DOCK7: variants seen among roughly 807,000 people sequenced by gnomAD.
DOCK7 encodes the protein dedicator of cytokinesis 7, also known as dedicator of cytokinesis protein 7.
DOCK7 carries 138 observed loss-of-function variants against 271.0 expected under a neutral mutation model. The observed-to-expected ratio is 0.51, with a 90% confidence interval of 0.44 to 0.59. The LOEUF (loss-of-function observed/expected upper bound fraction) is 0.59. Among genes scored for constraint, DOCK7 ranks in the 20% least tolerant of loss-of-function variants. The pLI, the probability that DOCK7 is intolerant of heterozygous loss-of-function variation, is 0.00. For missense variants in DOCK7, 2,066 were observed against 2,592.4 expected (o/e 0.80, Z 4.41); for synonymous variants, 823 against 876.1 (o/e 0.94, Z 1.07).
At chr1:62,669,888 G>C (rs1180426636) in intron 1 of DOCK7, among the ~76,000 whole-genome samples, 2 of 152,268 alleles carry the variant, frequency 1.3e-5, no homozygotes, top group African/African-American at 2.4e-5. Context: ...GAGGTGTGGA[G>C]GGAGAGACAC....
chr1:62,659,684 G>A (rs542491394), intron 2 of DOCK7, among the ~76,000 whole-genome samples: 2 of 152,222 alleles, frequency 1.3e-5, no homozygotes, highest in Non-Finnish European at 1.5e-5. Flanking sequence ...CACAACATAG[G>A]TAGGTTGAAA....
chr1:62,529,293 C>A lies in DOCK7; in HGVS notation c.3765G>T (p.Gln1255His). 1 of 1,607,298 alleles carries A rather than the reference C, an allele frequency of 6.2e-7. No homozygotes were observed. The highest frequency in any genetic ancestry group is 1.7e-4 in the Middle Eastern group (1 of 6,032). The change falls in exon 30 of 50, where the codon CAG becomes CAT. Residue 1255 changes from glutamine (Q) to histidine (H), a missense_variant. This residue lies in a region of DOCK7 where 1,414 missense variants were observed against 1,670.4 expected (regional missense o/e 0.85). Transcript: ENST00000635253. The part of the protein sequence containing the change: ...LIGIIMETVP[Q>H]LYDFTETHNQ... ...ACTAGGTACCTGTAAAATCATACAG[C>A]TGAGGTACAGTTTCCATGATAATAC... is the stretch of plus-strand genomic sequence containing the variant.
At chr1:62,613,132 G>T (rs574652771) in intron 14 of DOCK7, among the ~76,000 whole-genome samples, 36 of 152,176 alleles carry the variant, frequency 2.4e-4, no homozygotes, top group African/African-American at 8.7e-4. Flanking sequence ...TCCAATAAAA[G>T]ATTTTTTTCA....
At chr1:62,614,201 T>C (rs1652159489) in intron 14 of DOCK7, among the ~76,000 whole-genome samples, 1 of 152,142 alleles carries the variant, frequency 6.6e-6, no homozygotes, top group Admixed American at 6.6e-5. Context: ...CAAATATTTA[T>C]GGAACTTTCT....
At chr1:62,675,463 G>C (rs569289823) in intron 1 of DOCK7, among the ~76,000 whole-genome samples, 1 of 152,222 alleles carries the variant, frequency 6.6e-6, no homozygotes, top group African/African-American at 2.4e-5. Flanking sequence ...GGGCAGATAC[G>C]TGAGTGGCTA....
Position 62,458,066 on chromosome 1 carries a change from G to A in DOCK7, c.6213-361C>T. 9.8e-6 allele frequency: 2 copies of A among 205,034 alleles called. 1 individual carries two copies. Among genetic ancestry groups the A allele is most frequent in the South Asian group, 1.9e-4 (2 of 10,654 alleles). The allele number at this position is 205,034 out of a possible 1,614,324, so 12.7% of individuals were successfully genotyped here. The stretch of plus-strand genomic sequence containing the variant: ...ATTCATGAGGCTGAAGTGGGAGGAT[G>A]CTTCAGCCCAGGAAGTGGAGAATGC... On this transcript the variant is annotated intron_variant, in intron 48 of 49. Coordinates refer to ENST00000635253, the MANE Select transcript of DOCK7 (RefSeq NM_001367561.1).
chr1:62,515,963 G>A (rs1465091443), intron 31 of DOCK7, among the ~76,000 whole-genome samples: 1 of 152,194 alleles, frequency 6.6e-6, no homozygotes, highest in Non-Finnish European at 1.5e-5. Flanking sequence ...AGCTGGCACT[G>A]TGGATCACTA....
At chr1:62,602,022 C>T in intron 14 of DOCK7, 1 of 613,830 alleles carries the variant, frequency 1.6e-6, no homozygotes, top group South Asian at 2.2e-5. Context: ...AATACTTTTA[C>T]CTTGTTTATG....
chr1:62,687,139 G>T (rs924254229), intron 1 of DOCK7, among the ~76,000 whole-genome samples: 1 of 152,016 alleles, frequency 6.6e-6, no homozygotes, highest in South Asian at 2.1e-4. Flanking sequence ...AACTACAACT[G>T]CCCCAAAACA....
rs899999795 is a variant in DOCK7, at chr1:62,544,805, G to C, written c.2859+142C>G. On this transcript the variant is annotated intron_variant, in intron 23 of 49. Coordinates refer to ENST00000635253, the MANE Select transcript of DOCK7 (RefSeq NM_001367561.1). ...TGGTGGTACTCATGCATAGTAGTTG[G>C]AAAATGTGCTAAGTAAACAAAAATA... The C allele has an allele frequency of 2.7e-5, 16 of 592,108 alleles. No individual in the cohort carries two copies. In the African/African-American group the frequency reaches 2.8e-4, roughly 11 times the overall value. The allele number at this position is 592,108 out of a possible 1,614,324, so 36.7% of individuals were successfully genotyped here. A position where few individuals can be genotyped will look rare whatever the true frequency, so the allele number is the denominator to read the frequency against.
At chr1:62,570,416 T>C (rs1007563227) in intron 18 of DOCK7, among the ~76,000 whole-genome samples, 3 of 152,118 alleles carry the variant, frequency 2.0e-5, no homozygotes, top group African/African-American at 7.2e-5. Context: ...CACAAACAAA[T>C]GGAAAAACAT....
chr1:62,562,936 C>A (rs1215913397), intron 18 of DOCK7, among the ~76,000 whole-genome samples: 2 of 152,132 alleles, frequency 1.3e-5, no homozygotes, highest in Non-Finnish European at 2.9e-5. Context: ...AGGCAGCCAC[C>A]CTTAGCAGCC....
intron 37 of DOCK7, among the ~76,000 whole-genome samples, chr1:62,502,833 A>G (rs1459482459): frequency 6.6e-6 from 1 of 152,202 alleles, no homozygotes; most frequent in Non-Finnish European, 1.5e-5. Context: ...ATGTAATATA[A>G]TAACAAGTAT....
intron 1 of DOCK7, among the ~76,000 whole-genome samples, chr1:62,682,247 G>C (rs181230193): frequency 1.3e-5 from 2 of 152,306 alleles, no homozygotes; most frequent in African/African-American, 4.8e-5. Context: ...TTATATTCTT[G>C]AACTGCACAA....
chr1:62,640,113 G>A (rs146702619), intron 7 of DOCK7, among the ~76,000 whole-genome samples: 11 of 152,136 alleles, frequency 7.2e-5, no homozygotes, highest in African/African-American at 2.7e-4. Flanking sequence ...TATTTAAAAT[G>A]TTGAGAATAC....
At chr1:62,638,727 T>C (rs1282987165) in intron 7 of DOCK7, among the ~76,000 whole-genome samples, 1 of 149,470 alleles carries the variant, frequency 6.7e-6, no homozygotes, top group Non-Finnish European at 1.5e-5. Flanking sequence ...TGATACAAAT[T>C]ATATATATAT....
In DOCK7 at chr1:62,644,095, G is replaced by A. The variant is rs116810691; in HGVS notation, c.818+3596C>T. Among the ~76,000 whole-genome samples the A allele has an allele frequency of 5.6e-3, 845 of 152,020 alleles. 23 individuals are homozygous for A. The highest frequency in any genetic ancestry group is 2.0e-3 in the Admixed American group (31 of 15,278). ...TGTTTTGCCATGTTTGTTGATTTACGACTGGAGCTGAAACTTTACCTGTAG... is the reference window on the plus strand; with the variant it reads ...TGTTTTGCCATGTTTGTTGATTTACAACTGGAGCTGAAACTTTACCTGTAG... On this transcript the variant is annotated intron_variant, in intron 7 of 49. Transcript: ENST00000635253.
At chr1:62,658,409 A>G (rs530940291) in intron 2 of DOCK7, among the ~76,000 whole-genome samples, 73 of 152,118 alleles carry the variant, frequency 4.8e-4, no homozygotes, top group African/African-American at 1.7e-3. Context: ...GCAGTGAGTC[A>G]AGATTGCACC....
At chr1:62,673,633 T>C (rs1660242363) in intron 1 of DOCK7, among the ~76,000 whole-genome samples, 1 of 152,200 alleles carries the variant, frequency 6.6e-6, no homozygotes, top group Non-Finnish European at 1.5e-5. Flanking sequence ...TACTTCATTA[T>C]AAAAATAAAC....
Sources: allele counts gnomAD v4.1 joint callset (sites outside exome capture counted in the v4.1 genomes callset), GRCh38; gene constraint gnomAD v4.1.1; regional missense constraint gnomAD v4.1.1; transcripts MANE v1.5; gene names NCBI Gene and HGNC (gene_info 2026-07-23, HGNC 2026-07-21).